PCDHGA2: variants seen among roughly 807,000 people sequenced by gnomAD.
The protein encoded by PCDHGA2 is protocadherin gamma-A2.
In PCDHGA2, 40 loss-of-function variants were observed where a neutral mutation model predicts 59.2. The ratio of observed to expected loss-of-function variants is 0.68; its 90% CI spans 0.52 to 0.88. The LOEUF (loss-of-function observed/expected upper bound fraction) is 0.88. Among genes scored for constraint, PCDHGA2 ranks in the 40% least tolerant of loss-of-function variants. The pLI, the probability that PCDHGA2 is intolerant of heterozygous loss-of-function variation, is 0.00. For missense variants in PCDHGA2, 1,226 were observed against 1,204.0 expected (o/e 1.02, Z -0.27); for synonymous variants, 560 against 526.0 (o/e 1.06, Z -0.89).
At chr5:141,345,427 A>G (rs766424263) in intron 1 of PCDHGA2, 2 of 1,613,670 alleles carry the variant, frequency 1.2e-6, no homozygotes, top group East Asian at 4.5e-5. Context: ...CCAGAAAACA[A>G]CCCCAGAGGA....
chr5:141,374,837 C>T (rs1240795815), intron 1 of PCDHGA2: 1 of 1,613,766 alleles, frequency 6.2e-7, no homozygotes, highest in Non-Finnish European at 8.5e-7. Flanking sequence ...TGTAAGTGTT[C>T]CTGAAAACCT....
intron 1 of PCDHGA2, among the ~76,000 whole-genome samples, chr5:141,465,041 C>T (rs2099095802): frequency 6.6e-6 from 1 of 151,856 alleles, no homozygotes; most frequent in Non-Finnish European, 1.5e-5. Flanking sequence ...CACAAATGAC[C>T]CTATATATTT....
intron 1 of PCDHGA2, chr5:141,421,308 C>T: frequency 6.2e-7 from 1 of 1,613,678 alleles, no homozygotes; most frequent in Non-Finnish European, 8.5e-7. Flanking sequence ...TGCGGGGGTT[C>T]CGGGCCAGGC....
rs2154591305 is a variant in PCDHGA2, at chr5:141,493,879, G to A, written c.2425-928G>A. Among the ~76,000 whole-genome samples the A allele has an allele frequency of 6.6e-6, 1 of 152,288 alleles. No homozygotes were observed. The highest frequency in any genetic ancestry group is 6.5e-5 in the Admixed American group (1 of 15,302). ...CCCACCCCAGAACCAGTGAGGAGGT[G>A]GCTCTAGGAGTGCTCCATGAGAGTG... On this transcript the variant is annotated intron_variant, in intron 1 of 3. Coordinates refer to ENST00000394576, the MANE Select transcript of PCDHGA2 (RefSeq NM_018915.4). This position sits in a 1 kb window ranked among gnomAD's most constrained non-coding sequence, Gnocchi z 4.3.
rs189012614 is a variant in PCDHGA2 at position 141,340,032 on chromosome 5, G to C, written c.1061G>C (p.Ser354Thr). The stretch of plus-strand genomic sequence containing the variant: ...GAATTTTACATGACATCTGCTACTA[G>C]CTCAGTTTCTGAAGACTCTCTTCCA... ...APEFYMTSAT[S>T]SVSEDSLPGT... is the part of the protein sequence containing the mutation. The change falls in exon 1 of 4, where the codon AGC becomes ACC. Residue 354 changes from serine (S) to threonine (T), a missense_variant. Physicochemically the swap from Ser to Thr is moderately conservative, Grantham distance 58 (BLOSUM62 1). Transcript: ENST00000394576. 2.0e-5 allele frequency: 33 copies of C among 1,614,152 alleles called. No individual in the cohort carries two copies. The highest frequency in any genetic ancestry group is 2.7e-5 in the Non-Finnish European group (32 of 1,180,024).
At chr5:141,376,043 C>G (rs201022484) in intron 1 of PCDHGA2, 1 of 1,613,172 alleles carries the variant, frequency 6.2e-7, no homozygotes, top group Non-Finnish European at 8.5e-7. Context: ...CCAGCCCCCT[C>G]TCTCCGCCAC....
chr5:141,345,852 C>A, intron 1 of PCDHGA2: 1 of 1,613,470 alleles, frequency 6.2e-7, no homozygotes, highest in Non-Finnish European at 8.5e-7. Flanking sequence ...GCTGTCCTAC[C>A]GCCTGCTCAA....
chr5:141,375,535 C>T (rs548065153), intron 1 of PCDHGA2: 89 of 1,614,018 alleles, frequency 5.5e-5, no homozygotes, highest in Non-Finnish European at 6.9e-5. Flanking sequence ...TGGACCAGAA[C>T]GCCCAAGTCT....
At chr5:141,508,570 C>T (rs1164806696) in intron 3 of PCDHGA2, among the ~76,000 whole-genome samples, 21 of 152,198 alleles carry the variant, frequency 1.4e-4, no homozygotes. Context: ...GTCACTTGCA[C>T]CCACTCGGGG....
intron 1 of PCDHGA2, chr5:141,361,938 C>T (rs778338184): frequency 1.2e-6 from 2 of 1,605,814 alleles, no homozygotes; most frequent in East Asian, 4.5e-5. Context: ...CAGGACACAA[C>T]GCTTGGCTGT....
chr5:141,437,719 TA>T (rs1316054877), intron 1 of PCDHGA2, among the ~76,000 whole-genome samples: 1 of 151,332 alleles, frequency 6.6e-6, no homozygotes, highest in African/African-American at 2.4e-5. Context: ...AGTTACCCTC[TA>T]ATGTTACACT....
chr5:141,403,229 G>C, intron 1 of PCDHGA2: 1 of 1,613,950 alleles, frequency 6.2e-7, no homozygotes, highest in Non-Finnish European at 8.5e-7. Flanking sequence ...GATAGACCGG[G>C]AGGAGCTCTG....
intron 1 of PCDHGA2, chr5:141,389,945 G>A (rs2150405694): frequency 1.9e-6 from 3 of 1,614,056 alleles, no homozygotes; most frequent in Middle Eastern, 1.6e-4. Context: ...CTGAGCTGCA[G>A]TTTTACCTAG....
At chr5:141,351,673 C>A in intron 1 of PCDHGA2, 3 of 1,614,004 alleles carry the variant, frequency 1.9e-6, no homozygotes, top group South Asian at 1.1e-5. Flanking sequence ...CACAAGTAAG[C>A]GCCTCCGACC....
At chr5:141,507,865 T>C (rs2099864402) in intron 3 of PCDHGA2, among the ~76,000 whole-genome samples, 1 of 152,128 alleles carries the variant, frequency 6.6e-6, no homozygotes. Context: ...CACACCCGCT[T>C]CCTAGCCCTG....
At position 141,339,320 on chromosome 5, in the gene PCDHGA2, T is replaced by G; in HGVS notation, c.349T>G (p.Tyr117Asp). 1 of 1,614,276 alleles carries G rather than the reference T, an allele frequency of 6.2e-7. No individual in the cohort carries two copies. The highest frequency in any genetic ancestry group is 8.5e-7 in the Non-Finnish European group (1 of 1,180,044). The stretch of plus-strand genomic sequence containing the variant: ...TCTGCTGGAGGATAAATTGACTATT[T>G]ATTCAGTAGAGGTGGAAATAACAGA... ...NILLEDKLTI[Y>D]SVEVEITDIN... The change falls in exon 1 of 4, where the codon TAT becomes GAT. Residue 117 changes from tyrosine to aspartate, a missense_variant. Transcript: ENST00000394576.
At chr5:141,372,324 G>C in intron 1 of PCDHGA2, 2 of 1,613,704 alleles carry the variant, frequency 1.2e-6, no homozygotes, top group South Asian at 2.2e-5. Context: ...GCGCCTGCTG[G>C]TCACTGTGCG....
chr5:141,473,476 A>G (rs1300050332), intron 1 of PCDHGA2, among the ~76,000 whole-genome samples: 15 of 151,558 alleles, frequency 9.9e-5, no homozygotes, highest in Admixed American at 9.2e-4. Context: ...GCCAAGTTCA[A>G]TGGAAAAAAT....
intron 1 of PCDHGA2, chr5:141,365,209 A>G: frequency 2.5e-6 from 4 of 1,613,922 alleles, no homozygotes; most frequent in Non-Finnish European, 3.4e-6. Flanking sequence ...AGACTTTCCA[A>G]CTTGATTCCA....
Sources: gnomAD v4.1 joint callset for allele counts (sites outside exome capture counted in the v4.1 genomes callset) on GRCh38, gnomAD v4.1.1 for gene constraint, Gnocchi (gnomAD v3.1) non-coding constraint, MANE v1.5 for transcripts, NCBI Gene and HGNC (gene_info 2026-07-23, HGNC 2026-07-21) for gene names.